The following NIPAL3 variants were observed in gnomAD, a reference collection of about 807,000 sequenced individuals.
NIPAL3 encodes the protein NIPA like domain containing 3.
NIPAL3 carries 41 observed loss-of-function variants against 47.2 expected under a neutral mutation model. That is an observed-to-expected ratio of 0.87 (90% confidence interval 0.68 to 1.13). The LOEUF (loss-of-function observed/expected upper bound fraction) is 1.13. Among genes scored for constraint, NIPAL3 ranks in the 50% most tolerant of loss-of-function variants. NIPAL3 has a pLI of 0.00. For missense variants in NIPAL3, 449 were observed against 530.1 expected (o/e 0.85, Z 1.50); for synonymous variants, 194 against 209.6 (o/e 0.93, Z 0.64).
chr1:24,439,080 T>C (rs1234031727), intron 2 of NIPAL3, among the ~76,000 whole-genome samples: 1 of 149,336 alleles, frequency 6.7e-6, no homozygotes. Context: ...AAATTACCGA[T>C]TGGGTACTGT....
intron 2 of NIPAL3, among the ~76,000 whole-genome samples, chr1:24,430,426 T>C (rs1055501850): frequency 6.6e-6 from 1 of 152,070 alleles, no homozygotes; most frequent in African/African-American, 2.4e-5. Flanking sequence ...ATTTTTGTAT[T>C]TTTGGTAGAG....
intron 10 of NIPAL3, 52 bp downstream of exon 10, chr1:24,460,596 G>T (rs1207778224): frequency 1.4e-6 from 2 of 1,476,350 alleles, no homozygotes; most frequent in Non-Finnish European, 1.8e-6. Flanking sequence ...AGAATTCCAA[G>T]CAGGTTGCCC....
At position 24,451,388 on chromosome 1, in the gene NIPAL3, T is replaced by G. The variant is rs1431668507; in HGVS notation, c.540+1762T>G. Among the ~76,000 whole-genome samples the G allele has an allele frequency of 6.6e-6, 1 of 152,282 alleles. No individual in the cohort carries two copies. The highest frequency in any genetic ancestry group is 2.4e-5 in the African/African-American group (1 of 41,578). On this transcript the variant is annotated intron_variant, in intron 6 of 11. Transcript: ENST00000374399. This position sits in a 1 kb window ranked among gnomAD's most constrained non-coding sequence, Gnocchi z 4.5. ...GATATAATGTCCAGTGCTATTCCAG[T>G]GTTCATTTTAGAATCATGGAGAACG...
intron 2 of NIPAL3, among the ~76,000 whole-genome samples, chr1:24,420,408 G>A (rs1360985419): frequency 3.3e-5 from 5 of 152,074 alleles, no homozygotes; most frequent in African/African-American, 9.7e-5. Context: ...AGGCTGAGAC[G>A]GGAGGATTGC....
intron 11 of NIPAL3, 29 bp downstream of exon 11, chr1:24,464,149 G>A: frequency 1.9e-6 from 3 of 1,564,600 alleles, no homozygotes; most frequent in Non-Finnish European, 2.6e-6. Flanking sequence ...GGGTCTAGCT[G>A]AACATCCATA....
intron 8 of NIPAL3, among the ~76,000 whole-genome samples, chr1:24,458,526 G>A (rs1356949978): frequency 6.6e-6 from 1 of 152,062 alleles, no homozygotes; most frequent in Non-Finnish European, 1.5e-5. Context: ...AGTTTCTGGG[G>A]GCAGGGGTAT....
intron 2 of NIPAL3, among the ~76,000 whole-genome samples, chr1:24,421,067 C>G (rs75366910): frequency 0.031 from 4,776 of 151,990 alleles, 257 homozygotes; most frequent in African/African-American, 0.11. Context: ...CCTGTAACTT[C>G]AACACTTTGG....
chr1:24,472,722 A>C lies in NIPAL3; in HGVS notation c.*3537A>C, dbSNP rs1441949517. 1 of 152,204 alleles carries C rather than the reference A, an allele frequency of 6.6e-6. No individual in the cohort carries two copies. Among genetic ancestry groups the C allele is most frequent in the Admixed American group, 6.5e-5 (1 of 15,278 alleles). The allele number at this position is 152,204 out of a possible 1,614,324, so 9.4% of individuals were successfully genotyped here. A position where few individuals can be genotyped will look rare whatever the true frequency, so the allele number is the denominator to read the frequency against. On this transcript the variant is annotated 3_prime_UTR_variant, in exon 12 of 12. Transcript: ENST00000374399. The stretch of plus-strand genomic sequence containing the variant: ...TGCGGATACAGGACTCCATCAGGCT[A>C]GTGTTGGGGAACCAGCCCGGCAGCC...
chr1:24,416,836 C>G lies in NIPAL3; in HGVS notation c.-258+932C>G, dbSNP rs1303937305. On this transcript the variant is annotated intron_variant, in intron 1 of 11. Transcript: ENST00000374399. This position sits in a 1 kb window ranked among gnomAD's most constrained non-coding sequence, Gnocchi z 4.8. ...ATCTTTGCAGGCGATGCTTCAGAGG[C>G]CTGCGAGTTCCTGAGGCAGAGAGGG... 1 of 152,156 alleles carries G rather than the reference C, an allele frequency of 6.6e-6. No homozygotes were observed. Among genetic ancestry groups the G allele is most frequent in the African/African-American group, 2.4e-5 (1 of 41,420 alleles). The allele number at this position is 152,156 out of a possible 1,614,324, so 9.4% of individuals were successfully genotyped here.
At chr1:24,447,547 T>G (rs1645726853) in intron 5 of NIPAL3, among the ~76,000 whole-genome samples, 1 of 151,692 alleles carries the variant, frequency 6.6e-6, no homozygotes, top group Non-Finnish European at 1.5e-5. Context: ...AAGAAAAGAA[T>G]TTTACTCTAA....
chr1:24,418,771 C>T (rs1644177021), intron 1 of NIPAL3, among the ~76,000 whole-genome samples: 1 of 152,086 alleles, frequency 6.6e-6, no homozygotes, highest in African/African-American at 2.4e-5. Flanking sequence ...ACAGGTTTTC[C>T]ACCTCCGAGA....
intron 9 of NIPAL3, among the ~76,000 whole-genome samples, chr1:24,459,554 CT>C (rs1482869835): frequency 6.6e-6 from 1 of 152,174 alleles, no homozygotes; most frequent in African/African-American, 2.4e-5. Flanking sequence ...TGACTAAAAT[CT>C]TCAGAGTAAA....
chr1:24,453,212 G>C (rs1646025798), intron 6 of NIPAL3, among the ~76,000 whole-genome samples, 196 bp from the exon 7 acceptor site: 1 of 152,122 alleles, frequency 6.6e-6, no homozygotes, highest in African/African-American at 2.4e-5. Context: ...CTCAGTACTA[G>C]CCAGGGATTA....
intron 2 of NIPAL3, among the ~76,000 whole-genome samples, chr1:24,437,770 C>T (rs978559731): frequency 6.6e-6 from 1 of 152,038 alleles, no homozygotes; most frequent in Admixed American, 6.5e-5. Flanking sequence ...ACACTTGGGC[C>T]GTGATGTCTA....
chr1:24,441,081 A>G (rs1488936193), intron 3 of NIPAL3, among the ~76,000 whole-genome samples: 2 of 152,180 alleles, frequency 1.3e-5, no homozygotes, highest in Admixed American at 6.5e-5. Flanking sequence ...GGAAACCCAG[A>G]TAAGACTTGG....
chr1:24,424,971 C>T (rs937415312), intron 2 of NIPAL3, among the ~76,000 whole-genome samples: 3 of 152,134 alleles, frequency 2.0e-5, no homozygotes, highest in African/African-American at 7.2e-5. Flanking sequence ...AAGCTGTCTG[C>T]CTTTGAGTTT....
chr1:24,440,085 G>T (rs1645303234), intron 2 of NIPAL3, 87 bp from the exon 3 acceptor site: 2 of 821,646 alleles, frequency 2.4e-6, no homozygotes, highest in Non-Finnish European at 3.7e-6. Context: ...TTTGTTTTGG[G>T]GCAGCAAATG....
chr1:24,424,921 C>T (rs1644506137), intron 2 of NIPAL3, among the ~76,000 whole-genome samples: 1 of 152,152 alleles, frequency 6.6e-6, no homozygotes, highest in Admixed American at 6.5e-5. Flanking sequence ...TATTGAGAGA[C>T]TCTTAAGTCC....
chr1:24,451,468 G>A lies in NIPAL3; in HGVS notation c.540+1842G>A, dbSNP rs539953882. Among the ~76,000 whole-genome samples the A allele has an allele frequency of 1.2e-4, 19 of 152,234 alleles. No homozygotes were observed. In the South Asian group the frequency reaches 3.3e-3, roughly 27 times the overall value. ...CTCAGCACTTTGGGAGGCCGAGGTA[G>A]GAGGATTGCTTGAGCCCAGGAACTT... is the stretch of plus-strand genomic sequence containing the variant. On this transcript the variant is annotated intron_variant, in intron 6 of 11. Transcript: ENST00000374399. The surrounding 1 kb of genome is among the most constrained non-coding windows in gnomAD (Gnocchi z 4.5).
Sources: allele counts gnomAD v4.1 joint callset (sites outside exome capture counted in the v4.1 genomes callset), GRCh38; gene constraint gnomAD v4.1.1; non-coding constraint Gnocchi (gnomAD v3.1); transcripts MANE v1.5; gene names NCBI Gene and HGNC (gene_info 2026-07-23, HGNC 2026-07-21).